DENND2A: variants seen among roughly 807,000 people sequenced by gnomAD.
DENND2A encodes DENN domain-containing protein 2A.
A neutral mutation model predicts 105.3 loss-of-function variants in DENND2A; 53 were observed. The observed-to-expected ratio is 0.50, with a 90% CI of 0.40 to 0.63. The LOEUF is 0.63. Ranked by LOEUF, DENND2A falls within the 30% of genes least tolerant of loss-of-function variation. DENND2A has a pLI of 0.00. For missense variants in DENND2A, 1,138 were observed against 1,279.6 expected (o/e 0.89, Z 1.69); for synonymous variants, 522 against 508.4 (o/e 1.03, Z -0.36).
At chr7:140,574,519 C>T (rs1388361380) in intron 5 of DENND2A, among the ~76,000 whole-genome samples, 1 of 152,038 alleles carries the variant, frequency 6.6e-6, no homozygotes. Flanking sequence ...ACACCTGGCC[C>T]GGTTTCTCTT....
intron 1 of DENND2A, among the ~76,000 whole-genome samples, chr7:140,632,910 G>A (rs1798606729): frequency 6.9e-6 from 1 of 144,580 alleles, no homozygotes; most frequent in Non-Finnish European, 1.5e-5. Flanking sequence ...TGCCCAGGCT[G>A]GAGTCCAGTG....
chr7:140,544,374 T>C (rs1796805123), intron 14 of DENND2A: 2 of 584,240 alleles, frequency 3.4e-6, no homozygotes, highest in Admixed American at 5.9e-5. Flanking sequence ...TTTCTATTTT[T>C]AGTAGAGACG....
Position 140,634,104 on chromosome 7 carries a change from T to C in DENND2A, c.-248+6400A>G, listed in dbSNP as rs375821479. Among the ~76,000 whole-genome samples, 26 of 151,700 alleles carry C rather than the reference T, an allele frequency of 1.7e-4. 1 individual carries two copies. Among genetic ancestry groups the C allele is most frequent in the East Asian group, 9.7e-4 (5 of 5,136 alleles). Reference sequence around the variant, plus strand: ...ACCTCCACCTACCGGGTTCACACCATTGTCCTGCCTCAGCCTCCCGGGTAG... The same window carrying C: ...ACCTCCACCTACCGGGTTCACACCACTGTCCTGCCTCAGCCTCCCGGGTAG... On this transcript the variant is annotated intron_variant, in intron 1 of 19. Coordinates refer to ENST00000496613, the MANE Select transcript of DENND2A (RefSeq NM_015689.5).
intron 1 of DENND2A, among the ~76,000 whole-genome samples, chr7:140,638,923 T>G (rs1406182889): frequency 6.6e-6 from 1 of 152,130 alleles, no homozygotes; most frequent in Non-Finnish European, 1.5e-5. Flanking sequence ...CCAGCTAGGA[T>G]GGTGTTCCTG....
rs775165363 is a variant in DENND2A at position 140,601,955 on chromosome 7, C to T, written c.443G>A (p.Gly148Asp). The change falls in exon 3 of 20, where the codon GGC (glycine) becomes GAC (aspartate). Residue 148 changes from glycine to aspartate, a missense_variant. Physicochemically the swap from Gly to Asp is moderately conservative, Grantham distance 94 (BLOSUM62 -1). This residue lies in a region of DENND2A where 511 missense variants were observed against 499.9 expected (regional missense o/e 1.02). Coordinates refer to ENST00000496613, the MANE Select transcript of DENND2A (RefSeq NM_015689.5). ...GGGATCGTTCTGAAAGCGTAGCTTG[C>T]CAAGTCTTGGCTCTCGGCCTCGGCC... ...SWGRGREPRL[G>D]KLRFQNDPLS... is the part of the protein sequence containing the mutation. 2.0e-5 allele frequency: 33 copies of T among 1,614,084 alleles called. No individual in the cohort carries two copies. Among genetic ancestry groups the T allele is most frequent in the Non-Finnish European group, 2.7e-5 (32 of 1,180,044 alleles).
rs564283568 is a variant in DENND2A at position 140,564,686 on chromosome 7, G to A, written c.1779+2400C>T. Among the ~76,000 whole-genome samples, 107 of 152,298 alleles carry A rather than the reference G, an allele frequency of 7.0e-4. 1 individual carries two copies. The highest frequency in any genetic ancestry group is 2.5e-3 in the African/African-American group (104 of 41,564). ...CTTTACTCTAGAAAAAAAATTTAATGTGGGTGACTCCAGGCTGGAAACAAT... is the reference window on the plus strand; with the variant it reads ...CTTTACTCTAGAAAAAAAATTTAATATGGGTGACTCCAGGCTGGAAACAAT... On this transcript the variant is annotated intron_variant, in intron 9 of 19. Transcript: ENST00000496613.
intron 1 of DENND2A, among the ~76,000 whole-genome samples, chr7:140,639,566 G>A (rs1428282571): frequency 6.6e-6 from 1 of 152,132 alleles, no homozygotes; most frequent in Non-Finnish European, 1.5e-5. Context: ...GATGTAAGGA[G>A]AAGGGATTTC....
intron 7 of DENND2A, 63 bp from the exon 8 acceptor site, chr7:140,568,876 T>C (rs1054123889): frequency 2.0e-6 from 3 of 1,515,760 alleles, no homozygotes; most frequent in Non-Finnish European, 2.7e-6. Flanking sequence ...GGAAACTCTT[T>C]CTATGTGGTA....
At chr7:140,583,803 G>C (rs1327472755) in intron 5 of DENND2A, among the ~76,000 whole-genome samples, 1 of 149,136 alleles carries the variant, frequency 6.7e-6, no homozygotes, top group Non-Finnish European at 1.5e-5. Context: ...GCGGGCGCCT[G>C]TAGTCCCAGC....
intron 1 of DENND2A, among the ~76,000 whole-genome samples, chr7:140,607,121 G>T (rs1482848695): frequency 6.6e-6 from 1 of 152,162 alleles, no homozygotes; most frequent in African/African-American, 2.4e-5. Context: ...TTCCAGGGAA[G>T]CCCTCTCCCA....
chr7:140,566,912 A>G (rs1311611336), intron 9 of DENND2A, among the ~76,000 whole-genome samples, 174 bp downstream of exon 9: 1 of 151,938 alleles, frequency 6.6e-6, no homozygotes, highest in East Asian at 1.9e-4. Flanking sequence ...GGGACCTCCC[A>G]AATTCTCTAG....
chr7:140,546,664 TG>T, intron 13 of DENND2A, 134 bp downstream of exon 13: 1 of 1,158,080 alleles, frequency 8.6e-7, no homozygotes. Context: ...ATGAGTGATC[TG>T]GGCCAGCTCT....
In DENND2A at chr7:140,640,165, A is replaced by G. The variant is rs6464924; in HGVS notation, c.-248+339T>C. 2,343 of 149,744 alleles carry G rather than the reference A, an allele frequency of 0.016. 43 individuals are homozygous for G. The highest frequency in any genetic ancestry group is 0.054 in the African/African-American group (2,132 of 39,428). The allele number at this position is 149,744 out of a possible 1,614,324, so 9.3% of individuals were successfully genotyped here. A position where few individuals can be genotyped will look rare whatever the true frequency, so the allele number is the denominator to read the frequency against. ...GACACACAAGCGCGCACACACACACACGCGCGCGCGCGGACACACACACAC... is the reference window on the plus strand; with the variant it reads ...GACACACAAGCGCGCACACACACACGCGCGCGCGCGCGGACACACACACAC... On this transcript the variant is annotated intron_variant, in intron 1 of 19. Transcript: ENST00000496613. The surrounding 1 kb of genome is among the most constrained non-coding windows in gnomAD (Gnocchi z 4.9).
At chr7:140,609,267 C>G (rs767391560) in intron 1 of DENND2A, among the ~76,000 whole-genome samples, 1 of 152,192 alleles carries the variant, frequency 6.6e-6, no homozygotes, top group Non-Finnish European at 1.5e-5. Flanking sequence ...AATCCCAGCA[C>G]TTTGGGAGGC....
chr7:140,586,956 A>T (rs1347916391), intron 4 of DENND2A, among the ~76,000 whole-genome samples: 1 of 152,144 alleles, frequency 6.6e-6, no homozygotes. Flanking sequence ...CACCGTAAGC[A>T]GTTGGAGCTC....
chr7:140,553,437 C>A (rs1215146525), intron 12 of DENND2A, among the ~76,000 whole-genome samples: 1 of 152,164 alleles, frequency 6.6e-6, no homozygotes, highest in Non-Finnish European at 1.5e-5. Flanking sequence ...ATTGCGCAGG[C>A]ACGGCAGGAG....
intron 12 of DENND2A, among the ~76,000 whole-genome samples, chr7:140,547,702 T>C (rs1796963567): frequency 6.6e-6 from 1 of 152,214 alleles, no homozygotes; most frequent in African/African-American, 2.4e-5. Flanking sequence ...TGTAGCGGCA[T>C]TATTCATAAT....
chr7:140,596,782 T>A (rs1260351724), intron 3 of DENND2A, among the ~76,000 whole-genome samples: 1 of 152,228 alleles, frequency 6.6e-6, no homozygotes, highest in Non-Finnish European at 1.5e-5. Flanking sequence ...GAATTCCAGT[T>A]AAGACATTTT....
intron 1 of DENND2A, among the ~76,000 whole-genome samples, chr7:140,638,982 C>T (rs975178534): frequency 2.0e-5 from 3 of 152,280 alleles, no homozygotes; most frequent in Non-Finnish European, 4.4e-5. Flanking sequence ...ATGTCTAGCA[C>T]GCATGCCTAG....
Sources: allele counts gnomAD v4.1 joint callset (sites outside exome capture counted in the v4.1 genomes callset), GRCh38; gene constraint gnomAD v4.1.1; regional missense constraint gnomAD v4.1.1; non-coding constraint Gnocchi (gnomAD v3.1); transcripts MANE v1.5; gene names NCBI Gene and HGNC (gene_info 2026-07-23, HGNC 2026-07-21).